The following NFATC3 variants were observed in gnomAD, a reference collection of about 807,000 sequenced individuals.
NFATC3 encodes the protein nuclear factor of activated T cells 3, also known as nuclear factor of activated T-cells, cytoplasmic 3.
A neutral mutation model predicts 98.6 loss-of-function variants in NFATC3; 46 were observed. The ratio of observed to expected loss-of-function variants is 0.47; its 90% CI spans 0.37 to 0.60. The LOEUF (loss-of-function observed/expected upper bound fraction) is 0.60. Among genes scored for constraint, NFATC3 ranks in the 20% least tolerant of loss-of-function variants. The pLI is 0.00. For synonymous variants in NFATC3, 512 were observed against 472.2 expected (o/e 1.08, Z -1.09); for missense variants, 1,256 against 1,295.5 (o/e 0.97, Z 0.47).
chr16:68,191,445 G>T lies in NFATC3; in HGVS notation c.2776G>T (p.Ala926Ser), dbSNP rs746872941. The T allele has an allele frequency of 6.2e-7, 1 of 1,614,082 alleles. No homozygotes were observed. The highest frequency in any genetic ancestry group is 2.2e-5 in the East Asian group (1 of 44,886). ...GPSHSGSATT[A>S]SPAASHPLAS... is the part of the protein sequence containing the mutation. Reference sequence around the variant, plus strand: ...TTCACATTCAGGGTCTGCTACAACAGCTTCCCCAGCAGCTTCTCATCCCTT... The same window carrying T: ...TTCACATTCAGGGTCTGCTACAACATCTTCCCCAGCAGCTTCTCATCCCTT... Residue 926 changes from alanine to serine, a missense_variant, in exon 9 of 10, where the codon GCT becomes TCT. Transcript: ENST00000346183.
intron 3 of NFATC3, among the ~76,000 whole-genome samples, chr16:68,137,501 A>G (rs1292047984): frequency 6.6e-6 from 1 of 152,160 alleles, no homozygotes; most frequent in Non-Finnish European, 1.5e-5. Flanking sequence ...TGTATGTTGT[A>G]ATTGGCAGAG....
At chr16:68,183,532 G>GACTTTAAA (rs1386371764) in intron 8 of NFATC3, among the ~76,000 whole-genome samples, 166 bp downstream of exon 8, 1 of 152,186 alleles carries the variant, frequency 6.6e-6, no homozygotes, top group Non-Finnish European at 1.5e-5. Flanking sequence ...ATTAGATGTG[G>GACTTTAAA]TCTCAGTTGT....
At chr16:68,192,228 A>ATATATATATAT (rs1380467877) in intron 9 of NFATC3, 28 of 72,496 alleles carry the variant, frequency 3.9e-4, no homozygotes, top group South Asian at 1.7e-3. Context: ...AAAAAAAAAA[A>ATATATATATAT]AAATATATAT....
intron 9 of NFATC3, chr16:68,217,695 T>A (rs2041690409): frequency 1.6e-6 from 2 of 1,231,594 alleles, no homozygotes; most frequent in Non-Finnish European, 2.0e-6. Flanking sequence ...AATTTGTTGT[T>A]CCTCTTTCTC....
intron 3 of NFATC3, among the ~76,000 whole-genome samples, chr16:68,135,229 T>G (rs2037329101): frequency 6.6e-6 from 1 of 151,886 alleles, no homozygotes; most frequent in Non-Finnish European, 1.5e-5. Context: ...GAGGCCGAGA[T>G]GGACGGATCA....
chr16:68,122,836 G>C lies in NFATC3; in HGVS notation c.953G>C (p.Gly318Ala). ...DTWLNASVHG[G>A]SGLGPAVFPF... ...TGGCTCAATGCTTCTGTCCATGGTG[G>C]GTCAGGCCTTGGCCCTGCAGTTTTT... Residue 318 changes from glycine to alanine, a missense_variant, in exon 2 of 10, where the codon GGG becomes GCG. Physicochemically the swap from Gly to Ala is moderately conservative, Grantham distance 60. Around this residue, in one of 3 missense-constraint regions of NFATC3, gnomAD observed 464 missense variants for 465.7 expected, o/e 1.00. Coordinates refer to ENST00000346183, the MANE Select transcript of NFATC3 (RefSeq NM_173165.3). 1 of 1,614,206 alleles carries C rather than the reference G, an allele frequency of 6.2e-7. No homozygotes were observed. Among genetic ancestry groups the C allele is most frequent in the Admixed American group, 1.7e-5 (1 of 60,016 alleles).
intron 1 of NFATC3, among the ~76,000 whole-genome samples, chr16:68,093,619 C>G (rs1300849181): frequency 6.6e-6 from 1 of 152,026 alleles, no homozygotes; most frequent in African/African-American, 2.4e-5. Flanking sequence ...ATATTTAATC[C>G]AGTGTTATTG....
chr16:68,141,286 T>C (rs1412791233), intron 3 of NFATC3, among the ~76,000 whole-genome samples: 1 of 152,232 alleles, frequency 6.6e-6, no homozygotes, highest in African/African-American at 2.4e-5. Context: ...AGGTGTCTTT[T>C]TGACATAATG....
intron 4 of NFATC3, among the ~76,000 whole-genome samples, chr16:68,160,332 T>TG (rs1158737495): frequency 1.3e-5 from 2 of 150,660 alleles, no homozygotes; most frequent in Admixed American, 6.6e-5. Context: ...TGGGCATAGT[T>TG]GTCCTGTCTG....
chr16:68,128,317 G>GT lies in NFATC3; in HGVS notation c.1401+1714dup, dbSNP rs535456362. 3.7e-3 allele frequency among the ~76,000 whole-genome samples: 561 copies of GT among 151,760 alleles called. 6 individuals are homozygous for GT. The highest frequency in any genetic ancestry group is 0.012 in the African/African-American group (513 of 41,410). ...GTATAAAGATTTACATTTTAGATGG[G>GT]TTTTTTTAATGATTTGTTATTAAGA... is the stretch of plus-strand genomic sequence containing the variant. On this transcript the variant is annotated intron_variant, in intron 3 of 9. Coordinates refer to ENST00000346183, the MANE Select transcript of NFATC3 (RefSeq NM_173165.3).
Position 68,157,922 on chromosome 16 carries a change from A to C in NFATC3, c.1455A>C (p.Ala485=). 2 of 1,613,978 alleles carry C rather than the reference A, an allele frequency of 1.2e-6. No homozygotes were observed. The highest frequency in any genetic ancestry group is 1.1e-5 in the South Asian group (1 of 91,052). Reference sequence around the variant, plus strand: ...ATCTACAAATGTTTATTGGGACAGCAGATGATCGATATTTACGACCTCATG... The same window carrying C: ...ATCTACAAATGTTTATTGGGACAGCCGATGATCGATATTTACGACCTCATG... ...PINLQMFIGT[A]DDRYLRPHAF... Residue 485 remains alanine (A), a synonymous_variant, in exon 4 of 10, where the codon GCA becomes GCC. Coordinates refer to ENST00000346183, the MANE Select transcript of NFATC3 (RefSeq NM_173165.3).
intron 9 of NFATC3, 139 bp downstream of exon 9, chr16:68,191,914 T>C: frequency 1.1e-6 from 1 of 923,978 alleles, no homozygotes; most frequent in Non-Finnish European, 1.6e-6. Context: ...GAAATATATG[T>C]TAATATATAA....
At chr16:68,123,707 A>AACT (rs1278240203) in intron 2 of NFATC3, among the ~76,000 whole-genome samples, 1 of 151,938 alleles carries the variant, frequency 6.6e-6, no homozygotes, top group Non-Finnish European at 1.5e-5. Flanking sequence ...TTACTAAGAA[A>AACT]ACTATTTGGG....
intron 9 of NFATC3, among the ~76,000 whole-genome samples, chr16:68,215,211 T>A (rs964065559): frequency 1.4e-4 from 22 of 152,184 alleles, no homozygotes; most frequent in African/African-American, 5.3e-4. Context: ...TGATGACCTA[T>A]CAGACAAGAT....
At chr16:68,164,094 C>T (rs1302945713) in intron 4 of NFATC3, among the ~76,000 whole-genome samples, 2 of 152,202 alleles carry the variant, frequency 1.3e-5, no homozygotes, top group African/African-American at 4.8e-5. Context: ...CACGCCACTG[C>T]ACTCCAGCCT....
chr16:68,174,364 T>A lies in NFATC3; in HGVS notation c.1775-10T>A. On this transcript the variant is annotated splice_polypyrimidine_tract_variant and intron_variant, in intron 5 of 9. Transcript: ENST00000346183. ...GTTTTTTCTCAACTCTTTAAAAAAA[T>A]TTAAAACAGCCCAGCGGTCTGCTCA... 7.2e-7 allele frequency: 1 copy of A among 1,383,574 alleles called. No homozygotes were observed. The highest frequency in any genetic ancestry group is 9.4e-7 in the Non-Finnish European group (1 of 1,060,902). The allele number at this position is 1,383,574 out of a possible 1,614,324, so 85.7% of individuals were successfully genotyped here. A position where few individuals can be genotyped will look rare whatever the true frequency, so the allele number is the denominator to read the frequency against.
intron 9 of NFATC3, chr16:68,224,704 C>T (rs971369111): frequency 1.3e-5 from 2 of 149,922 alleles, no homozygotes; most frequent in Non-Finnish European, 2.9e-5. Context: ...AATATTAGTT[C>T]CTTCTCCTTA....
At chr16:68,162,514 G>A (rs1353507892) in intron 4 of NFATC3, among the ~76,000 whole-genome samples, 1 of 151,886 alleles carries the variant, frequency 6.6e-6, no homozygotes, top group Non-Finnish European at 1.5e-5. Context: ...AAGGCAATAA[G>A]GTGTGGAAAA....
intron 1 of NFATC3, among the ~76,000 whole-genome samples, chr16:68,113,146 A>G (rs1019604160): frequency 9.9e-5 from 15 of 152,250 alleles, no homozygotes; most frequent in South Asian, 6.2e-4. Flanking sequence ...AAGTGTTGCA[A>G]TCATTTAGAG....
Sources: allele counts gnomAD v4.1 joint callset (sites outside exome capture counted in the v4.1 genomes callset), GRCh38; gene constraint gnomAD v4.1.1; regional missense constraint gnomAD v4.1.1; transcripts MANE v1.5; gene names NCBI Gene and HGNC (gene_info 2026-07-23, HGNC 2026-07-21).